Variants in CAMK1D observed in about 807,000 individuals in gnomAD.
CAMK1D encodes the protein calcium/calmodulin dependent protein kinase ID.
CAMK1D carries 9 observed loss-of-function variants against 47.7 expected under a neutral mutation model. That is an observed-to-expected ratio of 0.19 (90% CI 0.11 to 0.33). The LOEUF (loss-of-function observed/expected upper bound fraction) is 0.33, where lower values mean the gene tolerates loss of function less well. Among genes scored for constraint, CAMK1D ranks in the 10% least tolerant of loss-of-function variants. CAMK1D has a pLI of 1.00. For synonymous variants in CAMK1D, 184 were observed against 184.9 expected (o/e 0.99, Z 0.04); for missense variants, 291 against 488.7 (o/e 0.60, Z 3.81).
At chr10:12,813,063 C>T (rs1195923077) in intron 6 of CAMK1D, among the ~76,000 whole-genome samples, 2 of 152,196 alleles carry the variant, frequency 1.3e-5, no homozygotes, top group Non-Finnish European at 1.5e-5. Context: ...AGAATTTCCA[C>T]TCCCATTGTG....
chr10:12,459,035 C>T (rs1482011787), intron 1 of CAMK1D, among the ~76,000 whole-genome samples: 3 of 151,980 alleles, frequency 2.0e-5, no homozygotes, highest in African/African-American at 2.4e-5. Flanking sequence ...TGCGCCACCA[C>T]GTGTGGCTGA....
At chr10:12,512,360 G>A (rs191402000) in intron 1 of CAMK1D, among the ~76,000 whole-genome samples, 38 of 152,230 alleles carry the variant, frequency 2.5e-4, no homozygotes, top group Non-Finnish European at 4.9e-4. Context: ...GACAAACCCG[G>A]AGTCTCCATC....
In CAMK1D at chr10:12,558,657, G is replaced by C. The variant is rs118109337; in HGVS notation, c.224+5301G>C. Among the ~76,000 whole-genome samples the C allele has an allele frequency of 6.6e-4, 101 of 152,278 alleles. 3 individuals carry two copies. In the East Asian group the frequency reaches 0.018, roughly 27 times the overall value. On this transcript the variant is annotated intron_variant, in intron 2 of 10. Coordinates refer to ENST00000619168, the MANE Select transcript of CAMK1D (RefSeq NM_153498.4). ...TCTACATTTAAATGAGAGGTGAAGA[G>C]AGAGGGGGATGCATAGATTGGAAAG...
intron 1 of CAMK1D, among the ~76,000 whole-genome samples, chr10:12,508,306 G>T (rs1196257349): frequency 6.6e-6 from 1 of 152,240 alleles, no homozygotes; most frequent in Non-Finnish European, 1.5e-5. Flanking sequence ...CCATGCAGTG[G>T]AATATTATGC....
At chr10:12,432,371 C>G (rs532479832) in intron 1 of CAMK1D, among the ~76,000 whole-genome samples, 1 of 152,314 alleles carries the variant, frequency 6.6e-6, no homozygotes, top group East Asian at 1.9e-4. Flanking sequence ...TCTGGCAGAT[C>G]CAGCTGGGGC....
intron 1 of CAMK1D, among the ~76,000 whole-genome samples, chr10:12,512,193 G>A (rs1412828842): frequency 1.3e-5 from 2 of 152,182 alleles, no homozygotes; most frequent in African/African-American, 2.4e-5. Context: ...GTATCAAAAC[G>A]TGTCAGCTCA....
chr10:12,709,965 A>G (rs980991895), intron 3 of CAMK1D, among the ~76,000 whole-genome samples: 2 of 152,204 alleles, frequency 1.3e-5, no homozygotes, highest in African/African-American at 4.8e-5. Flanking sequence ...CCAGCTCTGG[A>G]GTCAGACTGC....
chr10:12,455,963 A>G (rs1301360441), intron 1 of CAMK1D, among the ~76,000 whole-genome samples: 1 of 152,216 alleles, frequency 6.6e-6, no homozygotes, highest in Non-Finnish European at 1.5e-5. Context: ...CACCCCGCCC[A>G]TAATAAATGT....
At chr10:12,636,650 A>T (rs1212916377) in intron 2 of CAMK1D, among the ~76,000 whole-genome samples, 1 of 152,120 alleles carries the variant, frequency 6.6e-6, no homozygotes, top group East Asian at 1.9e-4. Flanking sequence ...TTCGCCAATG[A>T]GGAAACAGAC....
chr10:12,647,566 A>G (rs1839846764), intron 2 of CAMK1D, among the ~76,000 whole-genome samples: 1 of 152,054 alleles, frequency 6.6e-6, no homozygotes, highest in Non-Finnish European at 1.5e-5. Context: ...TCCATCTATG[A>G]ATATATATTG....
rs562541358 is a variant in CAMK1D at position 12,523,550 on chromosome 10, C to T, written c.93-29675C>T. 7.2e-4 allele frequency among the ~76,000 whole-genome samples: 110 copies of T among 152,072 alleles called. 1 individual carries two copies. The highest frequency in any genetic ancestry group is 2.4e-3 in the African/African-American group (101 of 41,540). On this transcript the variant is annotated intron_variant, in intron 1 of 10. Coordinates refer to ENST00000619168, the MANE Select transcript of CAMK1D (RefSeq NM_153498.4). ...TCGCAGTTAGGAGCTGGAGACCAGC[C>T]CGGCCAACACAGCGAAACCCCGTCT...
intron 1 of CAMK1D, among the ~76,000 whole-genome samples, chr10:12,485,275 C>T (rs540552598): frequency 6.6e-6 from 1 of 152,268 alleles, no homozygotes; most frequent in South Asian, 2.1e-4. Flanking sequence ...GACGTGGCTG[C>T]CTCTCGGCTG....
chr10:12,685,168 G>T (rs1236453554), intron 3 of CAMK1D, among the ~76,000 whole-genome samples: 1 of 152,218 alleles, frequency 6.6e-6, no homozygotes, highest in Non-Finnish European at 1.5e-5. Flanking sequence ...AGGCGTGGTG[G>T]TGCATGCCTG....
At chr10:12,704,278 A>G (rs1833645824) in intron 3 of CAMK1D, among the ~76,000 whole-genome samples, 1 of 152,224 alleles carries the variant, frequency 6.6e-6, no homozygotes, top group Non-Finnish European at 1.5e-5. Flanking sequence ...AGCATTTCAT[A>G]TAAATGTAGC....
intron 5 of CAMK1D, among the ~76,000 whole-genome samples, chr10:12,784,997 A>C (rs1160444387): frequency 6.6e-6 from 1 of 152,150 alleles, no homozygotes; most frequent in Non-Finnish European, 1.5e-5. Context: ...AGAGGAGGCC[A>C]TTGTGTTACA....
At chr10:12,718,669 A>T (rs1028382513) in intron 3 of CAMK1D, among the ~76,000 whole-genome samples, 2 of 152,362 alleles carry the variant, frequency 1.3e-5, no homozygotes, top group East Asian at 3.9e-4. Context: ...TCTTCGTTTA[A>T]TGATTTAAAA....
chr10:12,650,937 C>T (rs1418886549), intron 2 of CAMK1D, among the ~76,000 whole-genome samples: 1 of 152,176 alleles, frequency 6.6e-6, no homozygotes, highest in East Asian at 1.9e-4. Context: ...CCACACCTGC[C>T]AGTCTTCCTC....
intron 1 of CAMK1D, among the ~76,000 whole-genome samples, chr10:12,488,659 C>T (rs1049890929): frequency 1.3e-5 from 2 of 152,104 alleles, no homozygotes; most frequent in African/African-American, 4.8e-5. Flanking sequence ...CAGTGGGAGC[C>T]CTGAGCTTGT....
chr10:12,694,250 T>TA (rs1833125836), intron 3 of CAMK1D, among the ~76,000 whole-genome samples: 1 of 74,486 alleles, frequency 1.3e-5, no homozygotes, highest in Non-Finnish European at 2.3e-5. Context: ...ATAATATATA[T>TA]TATGTATAAT....
Sources: gnomAD v4.1 joint callset for allele counts (sites outside exome capture counted in the v4.1 genomes callset) on GRCh38, gnomAD v4.1.1 for gene constraint, MANE v1.5 for transcripts, NCBI Gene and HGNC (gene_info 2026-07-23, HGNC 2026-07-21) for gene names.